The following SOX5 variants were observed in gnomAD, a reference collection of about 807,000 sequenced individuals.
The protein encoded by SOX5 is SRY-box transcription factor 5.
Under a neutral mutation model 92.0 loss-of-function variants are expected in SOX5, and 9 were observed. That is an observed-to-expected ratio of 0.10 (90% CI 0.06 to 0.17). The LOEUF is 0.17. Among genes scored for constraint, SOX5 ranks in the 10% least tolerant of loss-of-function variants. SOX5 has a pLI of 1.00. For missense variants in SOX5, 642 were observed against 944.5 expected (o/e 0.68, Z 4.20); for synonymous variants, 344 against 336.3 (o/e 1.02, Z -0.25).
At chr12:24,530,019 CAAAAA>C (rs34105691) in intron 1 of SOX5, among the ~76,000 whole-genome samples, 5 of 72,984 alleles carry the variant, frequency 6.9e-5, no homozygotes, top group African/African-American at 2.1e-4. Flanking sequence ...GACTCCGTCT[CAAAAA>C]AAAAAAAAAA....
intron 1 of SOX5, among the ~76,000 whole-genome samples, chr12:24,453,006 A>T (rs997848626): frequency 7.9e-5 from 12 of 152,214 alleles, no homozygotes; most frequent in Non-Finnish European, 8.8e-5. Flanking sequence ...AAGAATGTTA[A>T]ATCTATTTTC....
intron 6 of SOX5, among the ~76,000 whole-genome samples, chr12:23,686,884 T>C (rs1172207616): frequency 6.6e-5 from 10 of 152,152 alleles, no homozygotes; most frequent in Middle Eastern, 3.4e-3. Flanking sequence ...TCCAGGTACG[T>C]TTCCAATAGA....
At chr12:23,695,758 G>A (rs937622686) in intron 6 of SOX5, among the ~76,000 whole-genome samples, 1 of 151,366 alleles carries the variant, frequency 6.6e-6, no homozygotes, top group Non-Finnish European at 1.5e-5. Context: ...TGGCTAACAC[G>A]GTGAAACCCC....
At chr12:23,950,667 T>G (rs1945467178), upstream of SOX5, among the ~76,000 whole-genome samples, 2 of 152,222 alleles carry the variant, frequency 1.3e-5, no homozygotes, top group African/African-American at 4.8e-5. Flanking sequence ...TGGATCTCTT[T>G]AATTTCCTCT....
intron 4 of SOX5, among the ~76,000 whole-genome samples, chr12:24,116,384 T>G (rs1947998481): frequency 6.6e-6 from 1 of 152,230 alleles, no homozygotes; most frequent in Middle Eastern, 3.4e-3. Context: ...AATAATCTTA[T>G]TAATGCATTA....
intron 2 of SOX5, among the ~76,000 whole-genome samples, chr12:24,326,661 C>G (rs1950717979): frequency 6.6e-6 from 1 of 152,098 alleles, no homozygotes; most frequent in South Asian, 2.1e-4. Context: ...ACGGGTATGA[C>G]TCCTGCCCTC....
chr12:23,825,746 T>C (rs2096219822), intron 3 of SOX5, among the ~76,000 whole-genome samples: 2 of 152,186 alleles, frequency 1.3e-5, no homozygotes, highest in South Asian at 2.1e-4. Flanking sequence ...AGGTTTCATA[T>C]TGTTTGCAAT....
intron 6 of SOX5, among the ~76,000 whole-genome samples, chr12:23,674,346 T>TTTTTTTTTG: frequency 7.3e-6 from 1 of 137,062 alleles, no homozygotes; most frequent in African/African-American, 2.7e-5. Flanking sequence ...ATTTTTTTTT[T>TTTTTTTTTG]TTTTTTTTGA....
At chr12:24,242,670 T>C (rs978534900) in intron 3 of SOX5, among the ~76,000 whole-genome samples, 8 of 132,496 alleles carry the variant, frequency 6.0e-5, no homozygotes, top group Non-Finnish European at 1.1e-4. Context: ...ACCCAACTGA[T>C]ACAATTTTAA....
intron 4 of SOX5, among the ~76,000 whole-genome samples, chr12:23,999,999 G>T (rs190987212): frequency 6.6e-6 from 1 of 151,246 alleles, no homozygotes; most frequent in Admixed American, 6.6e-5. Context: ...TCTCTTAAAG[G>T]GTTTATAAAA....
chr12:24,011,264 C>T (rs539027200), intron 4 of SOX5, among the ~76,000 whole-genome samples: 26 of 152,078 alleles, frequency 1.7e-4, no homozygotes, highest in Non-Finnish European at 3.4e-4. Flanking sequence ...AATTCACATG[C>T]GCACATGCAT....
At chr12:23,643,332 G>C (rs1386910094) in intron 7 of SOX5, among the ~76,000 whole-genome samples, 1 of 152,142 alleles carries the variant, frequency 6.6e-6, no homozygotes, top group Non-Finnish European at 1.5e-5. Flanking sequence ...TGCCAGGTGG[G>C]GCCTAAAGGG....
intron 4 of SOX5, among the ~76,000 whole-genome samples, chr12:24,111,291 G>T (rs1320065892): frequency 6.6e-6 from 1 of 152,066 alleles, no homozygotes; most frequent in South Asian, 2.1e-4. Flanking sequence ...ACCTGTCAAA[G>T]GGCAAAGATG....
chr12:24,151,016 T>G (rs925074842), intron 4 of SOX5, among the ~76,000 whole-genome samples: 2 of 151,810 alleles, frequency 1.3e-5, no homozygotes, highest in Non-Finnish European at 2.9e-5. Flanking sequence ...GAGAGTGAGG[T>G]GAAGAGGAAT....
intron 11 of SOX5, among the ~76,000 whole-genome samples, chr12:23,561,231 G>C (rs1946142286): frequency 6.6e-6 from 1 of 152,250 alleles, no homozygotes; most frequent in African/African-American, 2.4e-5. Context: ...GCTATCAACG[G>C]AGGCAACTCT....
chr12:23,914,886 C>CA (rs1357769621), intron 1 of SOX5, among the ~76,000 whole-genome samples: 1 of 151,938 alleles, frequency 6.6e-6, no homozygotes, highest in Non-Finnish European at 1.5e-5. Context: ...ACTCTTTAAC[C>CA]AAAATTAAAG....
At position 23,534,052 on chromosome 12, in the gene SOX5, G is replaced by C; in HGVS notation, c.*167C>G. The C allele has an allele frequency of 1.7e-6, 1 of 585,420 alleles. No individual in the cohort carries two copies. The highest frequency in any genetic ancestry group is 3.0e-6 in the Non-Finnish European group (1 of 330,484). 36.3% of individuals were successfully genotyped at this position (585,420 alleles called of 1,614,324 possible). On this transcript the variant is annotated 3_prime_UTR_variant, in exon 15 of 15. Transcript: ENST00000451604. Reference sequence around the variant, plus strand: ...TGTTGTATTTGTTTTTTCTTTCCAAGCCTTTTGAGGCTGAGGTCTATTAGT... The same window carrying C: ...TGTTGTATTTGTTTTTTCTTTCCAACCCTTTTGAGGCTGAGGTCTATTAGT...
chr12:24,145,266 G>T (rs917020548), intron 4 of SOX5, among the ~76,000 whole-genome samples: 2 of 151,962 alleles, frequency 1.3e-5, no homozygotes. Flanking sequence ...TTTTTAAGAG[G>T]CAAGTAATAA....
At chr12:23,825,305 C>T (rs924442826) in intron 3 of SOX5, among the ~76,000 whole-genome samples, 13 of 152,292 alleles carry the variant, frequency 8.5e-5, no homozygotes, top group African/African-American at 2.6e-4. Context: ...CTGTCCCTCA[C>T]GGCTTCCCTT....
Sources: allele counts gnomAD v4.1 joint callset (sites outside exome capture counted in the v4.1 genomes callset), GRCh38; gene constraint gnomAD v4.1.1; transcripts MANE v1.5; gene names NCBI Gene and HGNC (gene_info 2026-07-23, HGNC 2026-07-21).